The following SNTG2 variants were observed in gnomAD, a reference collection of about 807,000 sequenced individuals.
SNTG2 encodes syntrophin gamma 2.
A neutral mutation model predicts 70.9 loss-of-function variants in SNTG2; 74 were observed. The observed-to-expected ratio is 1.04, with a 90% CI of 0.86 to 1.27. SNTG2 has a LOEUF of 1.27. SNTG2 is among the 50% of genes most tolerant of loss of function. The probability of loss-of-function intolerance (pLI) is 0.00; values close to 1 mark genes in which losing one functional copy is unlikely to be tolerated. For missense variants in SNTG2, 717 were observed against 690.7 expected, an observed-to-expected ratio of 1.04 and a Z score of -0.43; for synonymous variants, 278 against 273.8, an observed-to-expected ratio of 1.02 and a Z score of -0.15.
At chr2:1,252,170 C>T (rs917173150) in intron 12 of SNTG2, among the ~76,000 whole-genome samples, 3 of 152,178 alleles carry the variant, frequency 2.0e-5, no homozygotes, top group Non-Finnish European at 2.9e-5. Flanking sequence ...AGAAGCCACT[C>T]ATTTCTTCTG....
chr2:1,176,532 A>T (rs1671487027), intron 8 of SNTG2, among the ~76,000 whole-genome samples: 1 of 152,230 alleles, frequency 6.6e-6, no homozygotes, highest in Admixed American at 6.5e-5. Context: ...TGCACAGCAA[A>T]AACAACTATC....
chr2:1,300,604 C>T (rs2148235541), intron 14 of SNTG2, among the ~76,000 whole-genome samples: 1 of 152,270 alleles, frequency 6.6e-6, no homozygotes, highest in Admixed American at 6.5e-5. Context: ...TCTCCCTTCC[C>T]ATACCCCATC....
At chr2:1,157,327 C>G (rs1163759671) in intron 6 of SNTG2, among the ~76,000 whole-genome samples, 1 of 152,088 alleles carries the variant, frequency 6.6e-6, no homozygotes, top group Non-Finnish European at 1.5e-5. Flanking sequence ...GAAGTGCACC[C>G]CGGCACTGCG....
At chr2:960,231 G>A (rs905100968) in intron 1 of SNTG2, among the ~76,000 whole-genome samples, 2 of 152,150 alleles carry the variant, frequency 1.3e-5, no homozygotes, top group Non-Finnish European at 2.9e-5. Context: ...TGTGACTAGG[G>A]TGACAGTGTT....
At chr2:1,188,741 ATC>A (rs951658276) in intron 8 of SNTG2, among the ~76,000 whole-genome samples, 1 of 152,318 alleles carries the variant, frequency 6.6e-6, no homozygotes, top group East Asian at 1.9e-4. Flanking sequence ...GGTATCAGTC[ATC>A]TCTCTCAAAT....
chr2:1,304,999 T>C (rs1425362570), intron 14 of SNTG2, among the ~76,000 whole-genome samples: 1 of 152,130 alleles, frequency 6.6e-6, no homozygotes, highest in Non-Finnish European at 1.5e-5. Flanking sequence ...AGGAGGTACT[T>C]AGAACTTTTT....
Position 1,336,150 on chromosome 2 carries a change from GAC to G in SNTG2, c.1488+19779_1488+19780del, listed in dbSNP as rs1414692665. On this transcript the variant is annotated intron_variant, in intron 16 of 16. Transcript: ENST00000308624. ...CAGATTTTCAAAGAGAAAAGTACCAGACACAATAATACCTACCAGTTTGGAGG... is the reference window on the plus strand; with the variant it reads ...CAGATTTTCAAAGAGAAAAGTACCAGACAATAATACCTACCAGTTTGGAGG... 5.3e-5 allele frequency among the ~76,000 whole-genome samples: 8 copies of G among 152,230 alleles called. No individual in the cohort carries two copies. The East Asian group carries it at 5.8e-4, about 11-fold the overall frequency.
At chr2:1,310,258 C>T (rs1680915018) in intron 15 of SNTG2, among the ~76,000 whole-genome samples, 1 of 152,198 alleles carries the variant, frequency 6.6e-6, no homozygotes, top group African/African-American at 2.4e-5. Flanking sequence ...AACGCTGGCC[C>T]ACCGGCCCCA....
intron 16 of SNTG2, among the ~76,000 whole-genome samples, chr2:1,356,740 T>A (rs1660872175): frequency 6.6e-6 from 1 of 152,210 alleles, no homozygotes; most frequent in African/African-American, 2.4e-5. Context: ...TTGCATTGAA[T>A]CTATAGATCA....
At chr2:1,157,965 A>G (rs1199574349) in intron 6 of SNTG2, among the ~76,000 whole-genome samples, 1 of 152,188 alleles carries the variant, frequency 6.6e-6, no homozygotes, top group Non-Finnish European at 1.5e-5. Context: ...TAGGCACAAA[A>G]GTTAGCATTT....
chr2:1,002,918 A>G (rs948712600), intron 1 of SNTG2, among the ~76,000 whole-genome samples: 3 of 151,858 alleles, frequency 2.0e-5, no homozygotes, highest in Non-Finnish European at 4.4e-5. Flanking sequence ...AGTCACCCAT[A>G]AAAAAGAATA....
At chr2:1,268,164 C>A (rs1200844366) in intron 14 of SNTG2, among the ~76,000 whole-genome samples, 1 of 152,124 alleles carries the variant, frequency 6.6e-6, no homozygotes, top group Non-Finnish European at 1.5e-5. Context: ...GCGGGATGAT[C>A]CTTCAGGGAG....
At chr2:1,272,615 G>A (rs1289994499) in intron 14 of SNTG2, among the ~76,000 whole-genome samples, 2 of 151,292 alleles carry the variant, frequency 1.3e-5, no homozygotes, top group African/African-American at 2.4e-5. Flanking sequence ...GACACCCCAG[G>A]GAACAGGTGT....
chr2:1,265,513 CA>C (rs1678677793), intron 13 of SNTG2, among the ~76,000 whole-genome samples: 1 of 152,218 alleles, frequency 6.6e-6, no homozygotes, highest in Non-Finnish European at 1.5e-5. Context: ...TCTCCATGAT[CA>C]GAGGGTCATC....
chr2:1,336,293 G>A (rs72772236), intron 16 of SNTG2, among the ~76,000 whole-genome samples: 50,348 of 151,872 alleles, frequency 0.33, 8,768 homozygotes, highest in East Asian at 0.54. Flanking sequence ...CAAGTTTTCC[G>A]CCCATTTTAA....
At chr2:1,231,196 G>A (rs1178571137) in intron 9 of SNTG2, among the ~76,000 whole-genome samples, 12 of 151,804 alleles carry the variant, frequency 7.9e-5, no homozygotes, top group African/African-American at 2.9e-4. Context: ...CACTGCGAGG[G>A]TGAAATAGAT....
chr2:991,406 C>A (rs893926240), intron 1 of SNTG2, among the ~76,000 whole-genome samples: 1 of 151,310 alleles, frequency 6.6e-6, no homozygotes, highest in South Asian at 2.1e-4. Context: ...CACACACACA[C>A]AATTATGACT....
chr2:1,366,339 C>T (rs987570882), intron 16 of SNTG2, among the ~76,000 whole-genome samples: 1 of 152,136 alleles, frequency 6.6e-6, no homozygotes, highest in Non-Finnish European at 1.5e-5. Context: ...TGATTTTTCC[C>T]CAGTAACTGA....
At chr2:1,256,065 G>T (rs1272638214) in intron 12 of SNTG2, among the ~76,000 whole-genome samples, 1 of 150,982 alleles carries the variant, frequency 6.6e-6, no homozygotes, top group Non-Finnish European at 1.5e-5. Context: ...ATCATAGGGT[G>T]TATTTACAGA....
Sources: gnomAD v4.1 joint callset for allele counts (sites outside exome capture counted in the v4.1 genomes callset) on GRCh38, gnomAD v4.1.1 for gene constraint, MANE v1.5 for transcripts, NCBI Gene and HGNC (gene_info 2026-07-23, HGNC 2026-07-21) for gene names.